The following TARBP1 variants were observed in gnomAD, a reference collection of about 807,000 sequenced individuals.
TARBP1 encodes the protein tRNA guanosine 2 -O-methyltransferase TARBP1.
A neutral mutation model predicts 178.6 loss-of-function variants in TARBP1; 144 were observed. That is an observed-to-expected ratio of 0.81 (90% CI 0.70 to 0.93). The LOEUF (loss-of-function observed/expected upper bound fraction) is 0.93, where lower values mean the gene tolerates loss of function less well. Ranked by LOEUF, TARBP1 falls within the 40% of genes least tolerant of loss-of-function variation. The pLI is 0.00. For missense variants in TARBP1, 2,067 were observed against 2,011.7 expected, an observed-to-expected ratio of 1.03 and a Z score of -0.53; for synonymous variants, 787 against 781.0, an observed-to-expected ratio of 1.01 and a Z score of -0.13.
At chr1:234,456,776 A>C (rs72765613) in intron 9 of TARBP1, among the ~76,000 whole-genome samples, 19,559 of 152,212 alleles carry the variant, frequency 0.13, 1,649 homozygotes, top group East Asian at 0.32. Context: ...AACTAAACCA[A>C]AAAATATGAA....
intron 12 of TARBP1, among the ~76,000 whole-genome samples, chr1:234,443,935 T>A (rs1484508364): frequency 1.3e-5 from 2 of 152,002 alleles, no homozygotes; most frequent in African/African-American, 4.8e-5. Flanking sequence ...GAAAGTAGAA[T>A]GGTGATTGCC....
intron 5 of TARBP1, among the ~76,000 whole-genome samples, chr1:234,465,085 T>TGGATGGAC (rs1324579752): frequency 6.6e-6 from 1 of 151,818 alleles, no homozygotes; most frequent in East Asian, 1.9e-4. Flanking sequence ...GATGGATGGA[T>TGGATGGAC]GGATGGATGG....
chr1:234,433,535 C>T lies in TARBP1; in HGVS notation c.2269G>A (p.Val757Met), dbSNP rs749533426. 1.2e-6 allele frequency: 2 copies of T among 1,613,868 alleles called. No individual in the cohort carries two copies. The highest frequency in any genetic ancestry group is 1.7e-6 in the Non-Finnish European group (2 of 1,179,976). Residue 757 changes from valine to methionine, a missense_variant, in exon 14 of 30, where the codon GTG becomes ATG. Val to Met is a conservative substitution (Grantham distance 21). Coordinates refer to ENST00000040877, the MANE Select transcript of TARBP1 (RefSeq NM_005646.4). ...DLDRCHLYLM[V>M]LTELINLHLK... ...TGCAGATTTATAAGCTCAGTTAACACCATCAGGTATAAATGGCAACGATCC... is the reference window on the plus strand; with the variant it reads ...TGCAGATTTATAAGCTCAGTTAACATCATCAGGTATAAATGGCAACGATCC...
intron 3 of TARBP1, among the ~76,000 whole-genome samples, chr1:234,468,613 C>T (rs1668701070): frequency 6.6e-6 from 1 of 152,196 alleles, no homozygotes; most frequent in Non-Finnish European, 1.5e-5. Context: ...CCATTTTTCA[C>T]ACAGAAATAT....
chr1:234,474,274 A>ACG (rs1346278674), intron 1 of TARBP1, among the ~76,000 whole-genome samples: 3 of 146,306 alleles, frequency 2.1e-5, no homozygotes, highest in African/African-American at 8.0e-5. Context: ...ACACACACAC[A>ACG]CACACACACA....
chr1:234,405,999 CAG>C lies in TARBP1; in HGVS notation c.3891_3892del (p.Trp1298AspfsTer4). ...AACACTTAACACTTTACACACAGTC[CAG>C]AGTTTCTTAAGAGCAACTAAAGCAT... On this transcript the variant is annotated frameshift_variant, in exon 24 of 30. Coordinates refer to ENST00000040877, the MANE Select transcript of TARBP1 (RefSeq NM_005646.4). LOFTEE classifies it high-confidence loss of function. 1 of 1,614,116 alleles carries C rather than the reference CAG, an allele frequency of 6.2e-7. No homozygotes were observed. Among genetic ancestry groups the C allele is most frequent in the Admixed American group, 1.7e-5 (1 of 60,022 alleles).
rs1016875404 is a variant in TARBP1 at position 234,436,246 on chromosome 1, T to C, written c.2232+1029A>G. Among the ~76,000 whole-genome samples the C allele has an allele frequency of 4.6e-5, 7 of 152,316 alleles. No homozygotes were observed. The East Asian group carries it at 1.3e-3, about 29-fold the overall frequency. ...ACTTCTTTTGTATATGTTTGGAAAT[T>C]TTCCATACAAACAGGTAAAAATAAT... On this transcript the variant is annotated intron_variant, in intron 13 of 29. Coordinates refer to ENST00000040877, the MANE Select transcript of TARBP1 (RefSeq NM_005646.4).
rs1020137442 is a variant in TARBP1 at position 234,408,136 on chromosome 1, C to T, written c.3793-2037G>A. 8.5e-5 allele frequency among the ~76,000 whole-genome samples: 13 copies of T among 152,114 alleles called. No individual in the cohort carries two copies. In the South Asian group the frequency reaches 1.7e-3, roughly 19 times the overall value. On this transcript the variant is annotated intron_variant, in intron 23 of 29. Coordinates refer to ENST00000040877, the MANE Select transcript of TARBP1 (RefSeq NM_005646.4). ...AGCTCTGCTCGTGAATTCTCATGTC[C>T]GCTCATTTTACACAATGAGCAAGCT...
intron 22 of TARBP1, among the ~76,000 whole-genome samples, chr1:234,416,825 T>C (rs971657537): frequency 2.6e-5 from 4 of 151,906 alleles, no homozygotes; most frequent in Non-Finnish European, 5.9e-5. Flanking sequence ...CAGGGTGAAG[T>C]TTGAAGTGAT....
intron 10 of TARBP1, among the ~76,000 whole-genome samples, chr1:234,449,566 T>C (rs966850820): frequency 6.6e-6 from 1 of 152,168 alleles, no homozygotes; most frequent in African/African-American, 2.4e-5. Context: ...TCAAATAATC[T>C]TCCAATGTAA....
chr1:234,474,940 A>C (rs140293035), intron 1 of TARBP1, among the ~76,000 whole-genome samples: 2,266 of 152,330 alleles, frequency 0.015, 56 homozygotes, highest in African/African-American at 0.051. Context: ...AAAAGGAAGG[A>C]AGGCGCTCCA....
chr1:234,427,886 T>C (rs762905015), intron 17 of TARBP1, 120 bp from the exon 18 acceptor site: 1 of 552,952 alleles, frequency 1.8e-6, no homozygotes, highest in Non-Finnish European at 2.8e-6. Flanking sequence ...TTAAATTCAT[T>C]ACTGTTAGAA....
chr1:234,455,768 A>T (rs950359476), intron 9 of TARBP1, among the ~76,000 whole-genome samples: 1 of 151,530 alleles, frequency 6.6e-6, no homozygotes, highest in African/African-American at 2.4e-5. Context: ...AAAAGGAACT[A>T]AAAAAAAATT....
intron 28 of TARBP1, 147 bp from the exon 29 acceptor site, chr1:234,392,699 C>A: frequency 1.7e-6 from 1 of 599,986 alleles, no homozygotes; most frequent in Non-Finnish European, 2.6e-6. Context: ...ACTCTCCCAA[C>A]ATGACATCAA....
chr1:234,472,648 T>C (rs1558262165), intron 2 of TARBP1, 66 bp downstream of exon 2: 6 of 1,062,080 alleles, frequency 5.6e-6, no homozygotes, highest in Non-Finnish European at 8.3e-6. Context: ...TCGCTTTTAA[T>C]GAATGTTTTT....
At chr1:234,456,189 A>G (rs1242947980) in intron 9 of TARBP1, among the ~76,000 whole-genome samples, 2 of 152,232 alleles carry the variant, frequency 1.3e-5, no homozygotes, top group Non-Finnish European at 2.9e-5. Flanking sequence ...ACATATAGAA[A>G]TAAGTTCCTC....
rs1300446180 is a variant in TARBP1, at chr1:234,398,402, T to C, written c.4223A>G (p.Asp1408Gly). ...QTQLSKLKPG[D>G]WSQQDIGTNL... ...TTTACCTATGTCTTGCTGAGACCAGTCACCTGGTTTTAGTTTACTAAGTTG... is the reference window on the plus strand; with the variant it reads ...TTTACCTATGTCTTGCTGAGACCAGCCACCTGGTTTTAGTTTACTAAGTTG... Residue 1408 changes from aspartate (D) to glycine (G), a missense_variant, in exon 26 of 30, where the codon GAC (aspartate) becomes GGC (glycine). Asp to Gly is a moderately conservative substitution (Grantham distance 94, BLOSUM62 -1). Transcript: ENST00000040877. 6.2e-7 allele frequency: 1 copy of C among 1,607,690 alleles called. No individual in the cohort carries two copies. Among genetic ancestry groups the C allele is most frequent in the African/African-American group, 1.3e-5 (1 of 74,820 alleles).
chr1:234,414,647 T>C (rs1572249178), intron 22 of TARBP1, among the ~76,000 whole-genome samples: 1 of 152,126 alleles, frequency 6.6e-6, no homozygotes, highest in African/African-American at 2.4e-5. Flanking sequence ...GTAACTGAAC[T>C]GGAAGCTGGT....
Position 234,427,869 on chromosome 1 carries a change from A to G in TARBP1, c.3061-103T>C, listed in dbSNP as rs1048419409. 6 of 698,256 alleles carry G rather than the reference A, an allele frequency of 8.6e-6. No individual in the cohort carries two copies. The African/African-American group carries it at 1.1e-4, about 13-fold the overall frequency. The allele number at this position is 698,256 out of a possible 1,614,324, so 43.3% of individuals were successfully genotyped here. A position where few individuals can be genotyped will look rare whatever the true frequency, so the allele number is the denominator to read the frequency against. On this transcript the variant is annotated intron_variant, in intron 17 of 29. Transcript: ENST00000040877. The stretch of plus-strand genomic sequence containing the variant: ...TTTCAACATAATCATGAACAGTCTA[A>G]AAACTGTTAAATTCATTACTGTTAG...
Sources: allele counts gnomAD v4.1 joint callset (sites outside exome capture counted in the v4.1 genomes callset), GRCh38; gene constraint gnomAD v4.1.1; transcripts MANE v1.5; gene names NCBI Gene and HGNC (gene_info 2026-07-23, HGNC 2026-07-21).